Variants in ZNF214 observed in about 807,000 individuals in gnomAD.
ZNF214 encodes the protein zinc finger protein 214.
In ZNF214, 43 loss-of-function variants were observed where a neutral mutation model predicts 53.9. The ratio of observed to expected loss-of-function variants is 0.80; its 90% CI spans 0.63 to 1.03. The LOEUF (loss-of-function observed/expected upper bound fraction) is 1.03. Ranked by LOEUF, ZNF214 falls within the 50% of genes least tolerant of loss-of-function variation. The pLI is 0.00. For missense variants in ZNF214, 724 were observed against 719.1 expected (o/e 1.01, Z -0.08); for synonymous variants, 217 against 229.5 (o/e 0.95, Z 0.49).
At chr11:7,013,477 T>A (rs957880526) in intron 1 of ZNF214, among the ~76,000 whole-genome samples, 6 of 152,230 alleles carry the variant, frequency 3.9e-5, no homozygotes, top group African/African-American at 1.2e-4. Context: ...GCAGAACATG[T>A]TCCATATAAA....
intron 1 of ZNF214, among the ~76,000 whole-genome samples, chr11:7,005,107 G>A (rs1224183927): frequency 6.6e-6 from 1 of 150,528 alleles, no homozygotes; most frequent in Non-Finnish European, 1.5e-5. Context: ...TATTTCTATT[G>A]TAATATTTAT....
chr11:7,000,156 C>T lies in ZNF214; in HGVS notation c.1527G>A (p.Gln509=). Residue 509 remains glutamine, a synonymous_variant, in exon 3 of 3, where the codon CAG becomes CAA. Coordinates refer to ENST00000278314, the MANE Select transcript of ZNF214 (RefSeq NM_013249.4). ...KCEECGKGFS[Q]RSHLLIHQRV... ...TCTGATGAATGAGAAGATGTGAACG[C>T]TGACTGAATCCCTTGCCACACTCTT... 1.2e-6 allele frequency: 2 copies of T among 1,613,058 alleles called. No individual in the cohort carries two copies. The highest frequency in any genetic ancestry group is 1.7e-6 in the Non-Finnish European group (2 of 1,179,536).
chr11:7,015,573 C>G (rs546802862), intron 1 of ZNF214, among the ~76,000 whole-genome samples: 23 of 121,848 alleles, frequency 1.9e-4, no homozygotes, highest in African/African-American at 6.8e-4. Context: ...CAAGATGACT[C>G]TGTCTCAAAA....
chr11:7,009,204 G>A (rs1851547964), intron 1 of ZNF214, among the ~76,000 whole-genome samples: 1 of 151,858 alleles, frequency 6.6e-6, no homozygotes, highest in Non-Finnish European at 1.5e-5. Context: ...AACCAAAACA[G>A]CAGGGTACTG....
intron 2 of ZNF214, among the ~76,000 whole-genome samples, chr11:7,002,233 C>G (rs1331930938): frequency 6.6e-6 from 1 of 151,966 alleles, no homozygotes; most frequent in African/African-American, 2.4e-5. Flanking sequence ...TGATACTGAG[C>G]CGACTGCCCC....
At chr11:7,014,215 A>G (rs747220492) in intron 1 of ZNF214, among the ~76,000 whole-genome samples, 9 of 152,218 alleles carry the variant, frequency 5.9e-5, no homozygotes, top group Non-Finnish European at 4.4e-5. Context: ...ACTGGCAATG[A>G]TAAGGGAATT....
At position 6,999,762 on chromosome 11, in the gene ZNF214, G is replaced by T; in HGVS notation, c.*100C>A. On this transcript the variant is annotated 3_prime_UTR_variant, in exon 3 of 3. Transcript: ENST00000278314. ...AGGGGAAACTATAAATGTTGCTTGG[G>T]ATTACTTGTGTTATTTATAAGATTT... The T allele has an allele frequency of 7.7e-7, 1 of 1,295,584 alleles. No individual in the cohort carries two copies. The highest frequency in any genetic ancestry group is 1.0e-6 in the Non-Finnish European group (1 of 961,450). 80.3% of individuals were successfully genotyped at this position (1,295,584 alleles called of 1,614,324 possible).
At position 7,001,134 on chromosome 11, in the gene ZNF214, C is replaced by T; in HGVS notation, c.549G>A (p.Lys183=). Residue 183 remains lysine (K), a synonymous_variant, in exon 3 of 3, where the codon AAG becomes AAA. Coordinates refer to ENST00000278314, the MANE Select transcript of ZNF214 (RefSeq NM_013249.4). ...GGATATAAGAATGCTGAACTATGAGCTTCTGTTCTTTTTCCATGGAGAGGT... is the reference window on the plus strand; with the variant it reads ...GGATATAAGAATGCTGAACTATGAGTTTCTGTTCTTTTTCCATGGAGAGGT... ...RKNLSMEKEQ[K]LIVQHSYIPV... 1 of 1,613,282 alleles carries T rather than the reference C, an allele frequency of 6.2e-7. No individual in the cohort carries two copies. The highest frequency in any genetic ancestry group is 8.5e-7 in the Non-Finnish European group (1 of 1,179,546).
At chr11:7,002,593 A>AT (rs993585919) in intron 2 of ZNF214, 116 bp downstream of exon 2, 10 of 1,196,634 alleles carry the variant, frequency 8.4e-6, no homozygotes, top group Non-Finnish European at 1.0e-5. Context: ...TTTAAGAAAC[A>AT]TTTTTGAGAA....
At chr11:7,014,943 G>A (rs1851723958) in intron 1 of ZNF214, among the ~76,000 whole-genome samples, 1 of 151,846 alleles carries the variant, frequency 6.6e-6, no homozygotes, top group Non-Finnish European at 1.5e-5. Context: ...CGAGTTCAAT[G>A]GTGAGTGTCC....
In ZNF214 at chr11:6,998,013, T is replaced by A. The variant is rs1379988503; in HGVS notation, c.*1849A>T. On this transcript the variant is annotated 3_prime_UTR_variant, in exon 3 of 3. Coordinates refer to ENST00000278314, the MANE Select transcript of ZNF214 (RefSeq NM_013249.4). Reference sequence around the variant, plus strand: ...TCACTAGTCCTTTTATACCATGATTTCCACATTCACAAACTCTCTTTAAGG... The same window carrying A: ...TCACTAGTCCTTTTATACCATGATTACCACATTCACAAACTCTCTTTAAGG... Among the ~76,000 whole-genome samples the A allele has an allele frequency of 1.3e-5, 2 of 151,956 alleles. No individual in the cohort carries two copies. The highest frequency in any genetic ancestry group is 2.9e-5 in the Non-Finnish European group (2 of 67,888).
intron 1 of ZNF214, chr11:7,019,762 G>T (rs1032984413): frequency 1.3e-5 from 2 of 152,232 alleles, no homozygotes; most frequent in Admixed American, 1.3e-4. Context: ...AAAGTAATAA[G>T]CAATTAGTTA....
chr11:7,014,310 C>G (rs1003512745), intron 1 of ZNF214, among the ~76,000 whole-genome samples: 5 of 152,118 alleles, frequency 3.3e-5, no homozygotes, highest in African/African-American at 1.2e-4. Context: ...ACAGTTAGAG[C>G]ATAATAAATG....
intron 1 of ZNF214, among the ~76,000 whole-genome samples, chr11:7,008,387 T>G (rs985790282): frequency 6.6e-6 from 1 of 152,136 alleles, no homozygotes; most frequent in African/African-American, 2.4e-5. Context: ...AAGCTGTGAT[T>G]GTACCACTGC....
At chr11:7,012,996 C>T (rs1312222840) in intron 1 of ZNF214, among the ~76,000 whole-genome samples, 1 of 97,434 alleles carries the variant, frequency 1.0e-5, no homozygotes, top group African/African-American at 3.0e-5. Context: ...AAAGGCTTGA[C>T]TGAGAAGAAG....
Position 7,001,572 on chromosome 11 carries a change from A to G in ZNF214, c.128-17T>C, listed in dbSNP as rs1407384226. 1 of 1,574,670 alleles carries G rather than the reference A, an allele frequency of 6.4e-7. No individual in the cohort carries two copies. The highest frequency in any genetic ancestry group is 1.4e-5 in the African/African-American group (1 of 73,178). Reference sequence around the variant, plus strand: ...TCCAGTTTTCTAGAAAAATAAAAAGATAATCCCATGGTGAGATAAAAGCTG... The same window carrying G: ...TCCAGTTTTCTAGAAAAATAAAAAGGTAATCCCATGGTGAGATAAAAGCTG... On this transcript the variant is annotated splice_polypyrimidine_tract_variant and intron_variant, in intron 2 of 2. Coordinates refer to ENST00000278314, the MANE Select transcript of ZNF214 (RefSeq NM_013249.4).
At chr11:7,008,671 C>T (rs1333151872) in intron 1 of ZNF214, among the ~76,000 whole-genome samples, 1 of 152,042 alleles carries the variant, frequency 6.6e-6, no homozygotes, top group African/African-American at 2.4e-5. Flanking sequence ...GACATGATTC[C>T]ATACCTAGAA....
At chr11:7,001,607 AT>A (rs1851356274) in intron 2 of ZNF214, 52 bp from the exon 3 acceptor site, 1 of 1,519,750 alleles carries the variant, frequency 6.6e-7, no homozygotes, top group Admixed American at 2.1e-5. Context: ...GTGTTGAAAA[AT>A]TTCCAACTAT....
At chr11:7,007,002 A>G (rs543400444) in intron 1 of ZNF214, among the ~76,000 whole-genome samples, 1 of 152,112 alleles carries the variant, frequency 6.6e-6, no homozygotes, top group South Asian at 2.1e-4. Context: ...AACAAAAGAA[A>G]TAGGAGTGAA....
Sources: allele counts gnomAD v4.1 joint callset (sites outside exome capture counted in the v4.1 genomes callset), GRCh38; gene constraint gnomAD v4.1.1; transcripts MANE v1.5; gene names NCBI Gene and HGNC (gene_info 2026-07-23, HGNC 2026-07-21).